CYP19A1: variants seen among roughly 807,000 people sequenced by gnomAD.
CYP19A1 encodes cytochrome P450 family 19 subfamily A member 1, also known as aromatase.
A neutral mutation model predicts 44.4 loss-of-function variants in CYP19A1; 32 were observed. That is an observed-to-expected ratio of 0.72 (90% CI 0.54 to 0.97). The LOEUF is 0.97. Ranked by LOEUF, CYP19A1 falls within the 50% of genes least tolerant of loss-of-function variation. The pLI is 0.00. For missense variants in CYP19A1, 598 were observed against 637.8 expected, an observed-to-expected ratio of 0.94 and a Z score of 0.67; for synonymous variants, 212 against 215.6, an observed-to-expected ratio of 0.98 and a Z score of 0.14.
chr15:51,215,702 C>A lies in CYP19A1; in HGVS notation c.858+1G>T. Reference sequence around the variant, plus strand: ...GAATTACAGTTAGTTCAGGTCAGTACCTCTGCTAAAATCAACTCAGTGGCA... The same window carrying A: ...GAATTACAGTTAGTTCAGGTCAGTAACTCTGCTAAAATCAACTCAGTGGCA... On this transcript the variant is annotated splice_donor_variant, in intron 7 of 9. Coordinates refer to ENST00000396402, the MANE Select transcript of CYP19A1 (RefSeq NM_000103.4). LOFTEE classifies it high-confidence loss of function. 1 of 1,613,964 alleles carries A rather than the reference C, an allele frequency of 6.2e-7. No homozygotes were observed. Among genetic ancestry groups the A allele is most frequent in the East Asian group, 2.2e-5 (1 of 44,850 alleles).
chr15:51,240,810 G>A (rs79104291), intron 2 of CYP19A1, among the ~76,000 whole-genome samples: 3,254 of 152,268 alleles, frequency 0.021, 45 homozygotes, highest in Non-Finnish European at 0.034. Context: ...GAGATGACAA[G>A]CCATTTCCCT....
chr15:51,249,192 T>C (rs1478587262), intron 1 of CYP19A1, among the ~76,000 whole-genome samples: 3 of 152,118 alleles, frequency 2.0e-5, no homozygotes, highest in Admixed American at 6.5e-5. Context: ...TCACCTGCCA[T>C]GGCCTCCCAA....
chr15:51,265,119 C>T (rs1283522207), intron 1 of CYP19A1, among the ~76,000 whole-genome samples: 1 of 152,222 alleles, frequency 6.6e-6, no homozygotes, highest in Non-Finnish European at 1.5e-5. Flanking sequence ...CTCTATCAAA[C>T]TGGGCCTAAC....
chr15:51,222,734 C>T (rs936103772), intron 4 of CYP19A1, among the ~76,000 whole-genome samples: 8 of 152,056 alleles, frequency 5.3e-5, no homozygotes, highest in Non-Finnish European at 1.0e-4. Context: ...AATGAATGAA[C>T]GGAAGGAGAT....
At chr15:51,214,771 G>C (rs1350737508) in intron 8 of CYP19A1, among the ~76,000 whole-genome samples, 1 of 152,204 alleles carries the variant, frequency 6.6e-6, no homozygotes, top group African/African-American at 2.4e-5. Flanking sequence ...CACTGGAGAG[G>C]GGAGATGAGG....
At chr15:51,235,467 C>T (rs1334903410) in intron 3 of CYP19A1, among the ~76,000 whole-genome samples, 4 of 152,118 alleles carry the variant, frequency 2.6e-5, no homozygotes, top group Admixed American at 2.0e-4. Context: ...ACAATGAACC[C>T]AATGAAATGA....
intron 3 of CYP19A1, among the ~76,000 whole-genome samples, chr15:51,232,675 C>T (rs2033119788): frequency 6.6e-6 from 1 of 152,160 alleles, no homozygotes; most frequent in African/African-American, 2.4e-5. Context: ...AATCTGTCAG[C>T]AAGTCTGTTG....
chr15:51,225,085 G>A lies in CYP19A1; in HGVS notation c.452-2560C>T, dbSNP rs28634785. 8.9e-3 allele frequency among the ~76,000 whole-genome samples: 1,356 copies of A among 152,188 alleles called. 36 individuals carry two copies. The highest frequency in any genetic ancestry group is 0.031 in the African/African-American group (1,290 of 41,506). ...TACTTGGCATCACTCTGGGCACACC[G>A]CCAGCATTACCATCACCTAGGGTAG... On this transcript the variant is annotated intron_variant, in intron 4 of 9. Transcript: ENST00000396402.
intron 1 of CYP19A1, among the ~76,000 whole-genome samples, chr15:51,247,455 T>C (rs937165360): frequency 6.7e-5 from 8 of 118,608 alleles, no homozygotes; most frequent in Admixed American, 1.5e-4. Flanking sequence ...CCTTACTTTT[T>C]TATTTTTATT....
At chr15:51,281,775 T>A (rs2035527285) in intron 1 of CYP19A1, among the ~76,000 whole-genome samples, 1 of 152,016 alleles carries the variant, frequency 6.6e-6, no homozygotes, top group African/African-American at 2.4e-5. Flanking sequence ...CAGAAGAAAT[T>A]TCCTCAGCAA....
chr15:51,270,706 A>G (rs1345934599), intron 1 of CYP19A1, among the ~76,000 whole-genome samples: 1 of 152,204 alleles, frequency 6.6e-6, no homozygotes, highest in Non-Finnish European at 1.5e-5. Flanking sequence ...GGGTCTCAAC[A>G]GTTGGTTTCT....
intron 1 of CYP19A1, among the ~76,000 whole-genome samples, chr15:51,251,611 C>G (rs2034313428): frequency 6.6e-6 from 1 of 152,162 alleles, no homozygotes; most frequent in Non-Finnish European, 1.5e-5. Context: ...GCCTCTTAAG[C>G]CTTTTAGGCC....
intron 1 of CYP19A1, among the ~76,000 whole-genome samples, chr15:51,249,935 G>T (rs906177551): frequency 9.9e-5 from 15 of 152,192 alleles, no homozygotes; most frequent in Admixed American, 7.9e-4. Flanking sequence ...TTCCTAGCAA[G>T]CTTCCAGTGA....
intron 1 of CYP19A1, among the ~76,000 whole-genome samples, chr15:51,267,288 C>A (rs527511672): frequency 6.6e-6 from 1 of 152,250 alleles, no homozygotes; most frequent in Admixed American, 6.5e-5. Context: ...TGCCTGCGGT[C>A]GGTGCCGCCC....
chr15:51,293,901 T>C (rs189553822), intron 1 of CYP19A1: 1 of 212,282 alleles, frequency 4.7e-6, no homozygotes, highest in East Asian at 1.7e-4. Context: ...TAATCTCGGC[T>C]GGCTACAACC....
At chr15:51,334,457 A>G (rs981395722) in intron 1 of CYP19A1, among the ~76,000 whole-genome samples, 4 of 152,232 alleles carry the variant, frequency 2.6e-5, no homozygotes, top group Non-Finnish European at 4.4e-5. Flanking sequence ...GCTTTGTTTT[A>G]TCTTTCAAAA....
chr15:51,215,519 G>A (rs2031482857), intron 7 of CYP19A1, among the ~76,000 whole-genome samples, 184 bp downstream of exon 7: 1 of 152,228 alleles, frequency 6.6e-6, no homozygotes, highest in Non-Finnish European at 1.5e-5. Flanking sequence ...TTACTAGAAT[G>A]TTCCAATCTT....
intron 3 of CYP19A1, among the ~76,000 whole-genome samples, chr15:51,230,264 T>C (rs2032924254): frequency 6.6e-6 from 1 of 152,242 alleles, no homozygotes; most frequent in Non-Finnish European, 1.5e-5. Context: ...TGGCTCTGGC[T>C]TGTGGGCCAG....
intron 1 of CYP19A1, among the ~76,000 whole-genome samples, chr15:51,280,405 G>A (rs2035479496): frequency 6.6e-6 from 1 of 152,088 alleles, no homozygotes; most frequent in African/African-American, 2.4e-5. Flanking sequence ...GCCAAAGCCT[G>A]CCCTTCTTCT....
Sources: allele counts gnomAD v4.1 joint callset (sites outside exome capture counted in the v4.1 genomes callset), GRCh38; gene constraint gnomAD v4.1.1; transcripts MANE v1.5; gene names NCBI Gene and HGNC (gene_info 2026-07-23, HGNC 2026-07-21).